The following MECOM variants were observed in gnomAD, a reference collection of about 807,000 sequenced individuals.
MECOM encodes MDS1 and EVI1 complex locus, also known as histone-lysine N-methyltransferase MECOM.
Under a neutral mutation model 116.3 loss-of-function variants are expected in MECOM, and 13 were observed. The observed-to-expected ratio is 0.11, with a 90% CI of 0.07 to 0.18. MECOM has a LOEUF of 0.18. MECOM is among the 10% of genes least tolerant of loss of function. The pLI is 1.00. For synonymous variants in MECOM, 528 were observed against 535.2 expected, an observed-to-expected ratio of 0.99 and a Z score of 0.19; for missense variants, 1,299 against 1,509.0, an observed-to-expected ratio of 0.86 and a Z score of 2.31.
intron 1 of MECOM, among the ~76,000 whole-genome samples, chr3:169,662,075 T>C (rs1267737029): frequency 1.3e-5 from 2 of 152,214 alleles, no homozygotes; most frequent in African/African-American, 4.8e-5. Context: ...TCTACAGTCC[T>C]GGCGGAGCAT....
chr3:169,394,988 A>G (rs1734807425), intron 1 of MECOM, among the ~76,000 whole-genome samples: 1 of 152,236 alleles, frequency 6.6e-6, no homozygotes, highest in Non-Finnish European at 1.5e-5. Flanking sequence ...TCTAGATGGA[A>G]AAGAAGTGTA....
At chr3:169,621,628 A>C (rs1476116186) in intron 1 of MECOM, among the ~76,000 whole-genome samples, 1 of 152,128 alleles carries the variant, frequency 6.6e-6, no homozygotes, top group African/African-American at 2.4e-5. Context: ...ATGGTGGTGC[A>C]TGCCTGTAAT....
intron 1 of MECOM, among the ~76,000 whole-genome samples, chr3:169,475,941 A>G (rs1475519432): frequency 1.3e-5 from 2 of 152,254 alleles, no homozygotes; most frequent in African/African-American, 4.8e-5. Flanking sequence ...ATAAAATGAA[A>G]TGGAAGCACA....
intron 1 of MECOM, among the ~76,000 whole-genome samples, chr3:169,555,895 GA>G (rs1241744191): frequency 6.6e-6 from 1 of 152,184 alleles, no homozygotes; most frequent in Non-Finnish European, 1.5e-5. Context: ...GCATCTAAAC[GA>G]TCTCTGAAAA....
At chr3:169,452,929 A>G (rs1388302282) in intron 1 of MECOM, among the ~76,000 whole-genome samples, 1 of 152,232 alleles carries the variant, frequency 6.6e-6, no homozygotes, top group East Asian at 1.9e-4. Flanking sequence ...TTCATTCCCT[A>G]ATCACTTCTT....
At chr3:169,216,424 A>G (rs946175451) in intron 2 of MECOM, among the ~76,000 whole-genome samples, 1 of 152,226 alleles carries the variant, frequency 6.6e-6, no homozygotes, top group African/African-American at 2.4e-5. Flanking sequence ...TAAAAGCAAT[A>G]GTTGAAACCT....
chr3:169,634,981 T>C (rs937415857), intron 1 of MECOM, among the ~76,000 whole-genome samples: 2 of 151,860 alleles, frequency 1.3e-5, no homozygotes, highest in Non-Finnish European at 1.5e-5. Flanking sequence ...AGAAGTGAAA[T>C]GCTAGGCCAG....
chr3:169,146,154 C>T (rs370708523), intron 2 of MECOM: 6 of 956,380 alleles, frequency 6.3e-6, no homozygotes, highest in African/African-American at 3.4e-5. Context: ...AAAAAAAAAC[C>T]GTTTAGGTAG....
At chr3:169,412,013 C>T (rs1489050453) in intron 1 of MECOM, among the ~76,000 whole-genome samples, 4 of 151,548 alleles carry the variant, frequency 2.6e-5, no homozygotes, top group East Asian at 3.9e-4. Context: ...AGGCTGGGCA[C>T]GGTGGTTCAT....
chr3:169,211,218 C>T (rs765120219), intron 2 of MECOM, among the ~76,000 whole-genome samples: 2 of 152,216 alleles, frequency 1.3e-5, no homozygotes, highest in Admixed American at 6.6e-5. Flanking sequence ...CTACCAGCAA[C>T]GTGTGCGATC....
intron 1 of MECOM, among the ~76,000 whole-genome samples, chr3:169,384,407 C>A (rs1164794398): frequency 6.6e-6 from 1 of 152,042 alleles, no homozygotes; most frequent in Admixed American, 6.6e-5. Context: ...CTTTAAGGTC[C>A]AAACATACTC....
In MECOM at chr3:169,649,409, CAAAAAAAA is replaced by C. The variant is rs71634436; in HGVS notation, c.37+13919_37+13926del. ...GGGCGGCAAGAGCGAAACTCCATCTCAAAAAAAAAAAAAAAAAAAATAGGAAAACAAAA... is the reference window on the plus strand; with the variant it reads ...GGGCGGCAAGAGCGAAACTCCATCTCAAAAAAAAAAAATAGGAAAACAAAA... On this transcript the variant is annotated intron_variant, in intron 1 of 16. Coordinates refer to ENST00000651503, the MANE Select transcript of MECOM (RefSeq NM_004991.4). 1.4e-3 allele frequency among the ~76,000 whole-genome samples: 102 copies of C among 74,452 alleles called. 1 individual carries two copies. The highest frequency in any genetic ancestry group is 5.4e-3 in the African/African-American group (92 of 17,122). The allele number at this position is 74,452 out of a possible 152,430, so 48.8% of individuals were successfully genotyped here. A position where few individuals can be genotyped will look rare whatever the true frequency, so the allele number is the denominator to read the frequency against.
intron 2 of MECOM, among the ~76,000 whole-genome samples, chr3:169,261,774 C>T (rs564854138): frequency 2.6e-5 from 4 of 152,000 alleles, no homozygotes; most frequent in South Asian, 2.1e-4. Context: ...AAGAAGAAGA[C>T]GACAAAAGAA....
intron 2 of MECOM, among the ~76,000 whole-genome samples, chr3:169,268,585 CAAG>C: frequency 6.6e-6 from 1 of 152,188 alleles, no homozygotes; most frequent in Non-Finnish European, 1.5e-5. Flanking sequence ...TATCAGTGAA[CAAG>C]CTTGCTAAAG....
intron 1 of MECOM, among the ~76,000 whole-genome samples, chr3:169,481,614 A>G (rs568134935): frequency 2.0e-5 from 3 of 152,112 alleles, no homozygotes; most frequent in African/African-American, 7.2e-5. Flanking sequence ...AGTGTCTAGA[A>G]TATAATTTGT....
chr3:169,569,031 AAAGAC>A (rs1230350077), intron 1 of MECOM, among the ~76,000 whole-genome samples: 5 of 152,322 alleles, frequency 3.3e-5, no homozygotes, highest in African/African-American at 1.2e-4. Context: ...GCCCCAATTA[AAAGAC>A]ACAGACTGGC....
intron 2 of MECOM, among the ~76,000 whole-genome samples, chr3:169,219,046 C>A (rs779110112): frequency 6.6e-6 from 1 of 152,004 alleles, no homozygotes; most frequent in African/African-American, 2.4e-5. Flanking sequence ...GGGCTTTTTG[C>A]AACAACTATA....
chr3:169,630,926 A>T (rs1772005539), intron 1 of MECOM, among the ~76,000 whole-genome samples: 1 of 152,200 alleles, frequency 6.6e-6, no homozygotes, highest in Admixed American at 6.5e-5. Flanking sequence ...GCCCAGCCCC[A>T]AATTCATTCT....
At chr3:169,146,897 G>C in intron 2 of MECOM, 1 of 1,026,446 alleles carries the variant, frequency 9.7e-7, no homozygotes, top group Non-Finnish European at 1.2e-6. Flanking sequence ...TAAAAGCCTC[G>C]CGTCTCGATT....
Sources: allele counts gnomAD v4.1 joint callset (sites outside exome capture counted in the v4.1 genomes callset), GRCh38; gene constraint gnomAD v4.1.1; transcripts MANE v1.5; gene names NCBI Gene and HGNC (gene_info 2026-07-23, HGNC 2026-07-21).